ASIC2: variants seen among roughly 807,000 people sequenced by gnomAD.
The protein encoded by ASIC2 is acid-sensing ion channel 2.
ASIC2 carries 25 observed loss-of-function variants against 57.3 expected under a neutral mutation model. The ratio of observed to expected loss-of-function variants is 0.44; its 90% CI spans 0.32 to 0.61. The LOEUF (loss-of-function observed/expected upper bound fraction) is 0.61, where lower values mean the gene tolerates loss of function less well. Among genes scored for constraint, ASIC2 ranks in the 20% least tolerant of loss-of-function variants. The pLI, the probability that ASIC2 is intolerant of heterozygous loss-of-function variation, is 0.06. For missense variants in ASIC2, 641 were observed against 738.1 expected, an observed-to-expected ratio of 0.87 and a Z score of 1.52; for synonymous variants, 319 against 307.5, an observed-to-expected ratio of 1.04 and a Z score of -0.39.
At chr17:33,960,304 C>T (rs1453683743) in intron 1 of ASIC2, among the ~76,000 whole-genome samples, 1 of 152,176 alleles carries the variant, frequency 6.6e-6, no homozygotes, top group African/African-American at 2.4e-5. Flanking sequence ...GACATTTGAG[C>T]CCCTAAATCT....
At chr17:33,498,031 G>A (rs894288013) in intron 1 of ASIC2, among the ~76,000 whole-genome samples, 4 of 152,190 alleles carry the variant, frequency 2.6e-5, no homozygotes, top group African/African-American at 9.7e-5. Flanking sequence ...ATGGAGCAAG[G>A]AGCATGATAC....
intron 1 of ASIC2, among the ~76,000 whole-genome samples, chr17:33,678,794 G>A (rs995464189): frequency 2.0e-5 from 3 of 152,078 alleles, no homozygotes; most frequent in African/African-American, 7.2e-5. Context: ...ACATCCCAGG[G>A]GGCATCAGTC....
intron 1 of ASIC2, among the ~76,000 whole-genome samples, chr17:33,145,285 C>T (rs891612055): frequency 6.6e-6 from 1 of 152,234 alleles, no homozygotes; most frequent in Non-Finnish European, 1.5e-5. Flanking sequence ...GTCCTAGACT[C>T]CAGTTTCTTT....
At chr17:33,739,947 AAAGAAAAAAGAGAAAGAAAAG>A (rs1382659683) in intron 1 of ASIC2, among the ~76,000 whole-genome samples, 1 of 129,916 alleles carries the variant, frequency 7.7e-6, no homozygotes, top group African/African-American at 2.8e-5. Context: ...GAAAGAAAGA[AAAGAAAAAAGAGAAAGAAAAG>A]AAGAAAGAAA....
chr17:33,394,068 T>A (rs540274124), intron 1 of ASIC2, among the ~76,000 whole-genome samples: 11 of 152,338 alleles, frequency 7.2e-5, no homozygotes, highest in African/African-American at 2.6e-4. Flanking sequence ...TTAGCACACC[T>A]CTGGCACACT....
intron 1 of ASIC2, among the ~76,000 whole-genome samples, chr17:33,642,242 C>T (rs1048435549): frequency 6.7e-6 from 1 of 148,320 alleles, no homozygotes; most frequent in African/African-American, 2.5e-5. Flanking sequence ...GTTATGGCTG[C>T]ACACCTGGTC....
chr17:34,100,893 C>T (rs1478244531), intron 1 of ASIC2, among the ~76,000 whole-genome samples: 1 of 152,150 alleles, frequency 6.6e-6, no homozygotes, highest in Non-Finnish European at 1.5e-5. Context: ...AATATAAGGG[C>T]TATGGGGACA....
At chr17:33,799,419 CTTTCTTTCTTCTTTCTTTCTTTCT>C (rs1912038925) in intron 1 of ASIC2, among the ~76,000 whole-genome samples, 9 of 68,790 alleles carry the variant, frequency 1.3e-4, no homozygotes, top group African/African-American at 3.5e-4. Flanking sequence ...TTCTTTCTTT[CTTTCTTTCTTCTTTCTTTCTTTCT>C]TTCTTTCTTT....
At chr17:33,659,403 G>T (rs544196146) in intron 1 of ASIC2, among the ~76,000 whole-genome samples, 39 of 152,212 alleles carry the variant, frequency 2.6e-4, no homozygotes, top group African/African-American at 9.4e-4. Flanking sequence ...CAAAGCCTCC[G>T]TGGTACAGCC....
intron 1 of ASIC2, among the ~76,000 whole-genome samples, chr17:33,258,684 G>A (rs898348253): frequency 6.6e-6 from 1 of 152,208 alleles, no homozygotes; most frequent in Non-Finnish European, 1.5e-5. Context: ...GAGCCCAGAC[G>A]TGGGTCAGGG....
At chr17:33,355,361 C>A (rs1908335051) in intron 1 of ASIC2, among the ~76,000 whole-genome samples, 2 of 152,170 alleles carry the variant, frequency 1.3e-5, no homozygotes, top group South Asian at 4.2e-4. Flanking sequence ...AGCCCATGTA[C>A]AGGAATGTGA....
At chr17:33,596,112 AC>A (rs1904969618) in intron 1 of ASIC2, among the ~76,000 whole-genome samples, 1 of 135,712 alleles carries the variant, frequency 7.4e-6, no homozygotes. Flanking sequence ...CTAAATTTAG[AC>A]CCACCCGCCA....
At chr17:33,963,209 AC>A (rs1904979554) in intron 1 of ASIC2, among the ~76,000 whole-genome samples, 1 of 151,312 alleles carries the variant, frequency 6.6e-6, no homozygotes, top group Admixed American at 6.6e-5. Flanking sequence ...ACTTCTACCA[AC>A]CCTCTTCCCA....
At chr17:33,516,648 C>T (rs1305778741) in intron 1 of ASIC2, among the ~76,000 whole-genome samples, 4 of 152,228 alleles carry the variant, frequency 2.6e-5, no homozygotes, top group East Asian at 3.9e-4. Context: ...TTGGGTACAA[C>T]GGAACAACTG....
intron 1 of ASIC2, among the ~76,000 whole-genome samples, chr17:34,105,120 G>T (rs1203514720): frequency 6.6e-6 from 1 of 151,782 alleles, no homozygotes; most frequent in African/African-American, 2.4e-5. Flanking sequence ...TTTTTTCATG[G>T]GTATAGTTAT....
intron 1 of ASIC2, among the ~76,000 whole-genome samples, chr17:33,485,252 G>A (rs890769595): frequency 2.0e-5 from 3 of 152,240 alleles, no homozygotes; most frequent in Non-Finnish European, 4.4e-5. Flanking sequence ...AAAGGGCCTA[G>A]GGAATGTAGC....
intron 1 of ASIC2, among the ~76,000 whole-genome samples, chr17:33,900,242 G>A (rs1379306433): frequency 1.3e-5 from 2 of 152,208 alleles, no homozygotes; most frequent in Non-Finnish European, 2.9e-5. Context: ...TTAATCTGGA[G>A]AGAAGGGCAG....
chr17:33,496,056 G>A (rs1007572065), intron 1 of ASIC2, among the ~76,000 whole-genome samples: 1 of 152,144 alleles, frequency 6.6e-6, no homozygotes, highest in Non-Finnish European at 1.5e-5. Context: ...ACAAGCATTG[G>A]CCAAGTTTTG....
chr17:34,038,391 T>C, intron 1 of ASIC2: 1 of 1,611,952 alleles, frequency 6.2e-7, no homozygotes, highest in South Asian at 1.1e-5. Flanking sequence ...TCTTTATGAA[T>C]CCGGTATTCC....
Sources: allele counts gnomAD v4.1 joint callset (sites outside exome capture counted in the v4.1 genomes callset), GRCh38; gene constraint gnomAD v4.1.1; transcripts MANE v1.5; gene names NCBI Gene and HGNC (gene_info 2026-07-23, HGNC 2026-07-21).